MROH7: variants seen among roughly 807,000 people sequenced by gnomAD.
The protein encoded by MROH7 is maestro heat-like repeat-containing protein family member 7.
In MROH7, 113 loss-of-function variants were observed where a neutral mutation model predicts 129.2. That is an observed-to-expected ratio of 0.87 (90% CI 0.75 to 1.02). The LOEUF (loss-of-function observed/expected upper bound fraction) is 1.02. MROH7 is among the 50% of genes least tolerant of loss of function. The pLI, the probability that MROH7 is intolerant of heterozygous loss-of-function variation, is 0.00. For synonymous variants in MROH7, 655 were observed against 667.9 expected (o/e 0.98, Z 0.30); for missense variants, 1,601 against 1,671.3 (o/e 0.96, Z 0.73).
At chr1:54,658,088 A>G (rs971356064) in intron 3 of MROH7, among the ~76,000 whole-genome samples, 4 of 152,172 alleles carry the variant, frequency 2.6e-5, no homozygotes, top group South Asian at 2.1e-4. Context: ...TGCATTAAAC[A>G]ATAGCTTCCC....
chr1:54,684,405 G>T (rs572482283), intron 14 of MROH7, among the ~76,000 whole-genome samples: 14 of 152,290 alleles, frequency 9.2e-5, no homozygotes, highest in African/African-American at 3.4e-4. Flanking sequence ...TGTGCCTAAG[G>T]CACCAGCACT....
rs199552728 is a variant in MROH7, at chr1:54,673,064, G to T, written c.1600-27G>T. 1.5e-5 allele frequency: 24 copies of T among 1,583,872 alleles called. No individual in the cohort carries two copies. In the Admixed American group the frequency reaches 3.2e-4, roughly 21 times the overall value. On this transcript the variant is annotated intron_variant, in intron 7 of 23. Transcript: ENST00000421030. ...TGGTGTCCGCTCCAGAGGTGCCTTA[G>T]TGGCTTGGTCCTCCTCCCATCCACA...
intron 23 of MROH7, 26 bp from the exon 24 acceptor site, chr1:54,709,920 A>C (rs532729727): frequency 6.2e-7 from 1 of 1,602,426 alleles, no homozygotes; most frequent in South Asian, 1.1e-5. Flanking sequence ...TCTTAATAGG[A>C]GGCTTCTCCC....
At chr1:54,679,554 C>T (rs770047426) in intron 12 of MROH7, 115 bp downstream of exon 12, 15 of 1,185,110 alleles carry the variant, frequency 1.3e-5, no homozygotes, top group Non-Finnish European at 1.8e-5. Context: ...ACCTGAACCC[C>T]CTAAGCCATG....
chr1:54,708,967 G>GGGGGGGGCCC, intron 22 of MROH7, 47 bp from the exon 23 acceptor site: 2 of 1,329,298 alleles, frequency 1.5e-6, no homozygotes, highest in Non-Finnish European at 2.0e-6. Flanking sequence ...TTGGGGTGGG[G>GGGGGGGGCCC]TCGACGTCGG....
In MROH7 at chr1:54,652,900, T is replaced by G; in HGVS notation, c.-27T>G. On this transcript the variant is annotated 5_prime_UTR_variant, in exon 3 of 24. Transcript: ENST00000421030. ...TTGGCTGTTGGAGAGAAGCGGGCAC[T>G]GGCATTGAGAGACCTCCAGACTGGA... 6.5e-7 allele frequency: 1 copy of G among 1,533,096 alleles called. No individual in the cohort carries two copies. The highest frequency in any genetic ancestry group is 8.7e-7 in the Non-Finnish European group (1 of 1,143,370). 95.0% of individuals were successfully genotyped at this position (1,533,096 alleles called of 1,614,324 possible).
chr1:54,652,431 C>T (rs1181742569), intron 2 of MROH7, among the ~76,000 whole-genome samples: 2 of 151,918 alleles, frequency 1.3e-5, no homozygotes, highest in Non-Finnish European at 2.9e-5. Flanking sequence ...GTGTAACTGG[C>T]ACTGGGCTAG....
intron 20 of MROH7, 23 bp from the exon 21 acceptor site, chr1:54,702,600 A>G: frequency 6.4e-7 from 1 of 1,564,766 alleles, no homozygotes; most frequent in South Asian, 1.2e-5. Context: ...CAGTTCTGAT[A>G]TTTTCTTCCT....
chr1:54,709,001 G>T lies in MROH7; in HGVS notation c.3668-13G>T. 6.2e-7 allele frequency: 1 copy of T among 1,614,058 alleles called. No homozygotes were observed. The highest frequency in any genetic ancestry group is 1.6e-4 in the Middle Eastern group (1 of 6,062). On this transcript the variant is annotated splice_polypyrimidine_tract_variant and intron_variant, in intron 22 of 23. Coordinates refer to ENST00000421030, the MANE Select transcript of MROH7 (RefSeq NM_001039464.4). ...GGAAGACAAATGCCCTCACTTCTTG[G>T]ATTACGCTCAAGGGTCCCTGGTCCC...
chr1:54,650,217 AT>A lies in MROH7; in HGVS notation c.-109-1731del, dbSNP rs567906079. ...GCTTTATGTGTTCCCTATCTTAGAG[AT>A]GGGGAGGACAAGGGCCAGAGGGGAA... is the stretch of plus-strand genomic sequence containing the variant. On this transcript the variant is annotated intron_variant, in intron 1 of 23. Coordinates refer to ENST00000421030, the MANE Select transcript of MROH7 (RefSeq NM_001039464.4). Among the ~76,000 whole-genome samples, 3 of 152,296 alleles carry A rather than the reference AT, an allele frequency of 2.0e-5. No individual in the cohort carries two copies. In the South Asian group the frequency reaches 6.2e-4, roughly 32 times the overall value.
chr1:54,644,839 G>A (rs1171080953), intron 1 of MROH7, among the ~76,000 whole-genome samples: 1 of 141,322 alleles, frequency 7.1e-6, no homozygotes, highest in Non-Finnish European at 1.5e-5. Flanking sequence ...GTCGCACTCT[G>A]TCATCCAGGC....
At chr1:54,673,340 C>T (rs188370542) in intron 8 of MROH7, among the ~76,000 whole-genome samples, 154 bp downstream of exon 8, 1 of 152,058 alleles carries the variant, frequency 6.6e-6, no homozygotes, top group East Asian at 1.9e-4. Context: ...TCTCACAGGC[C>T]CTGTCCCAGA....
chr1:54,668,843 C>G lies in MROH7; in HGVS notation c.1306-11C>G. On this transcript the variant is annotated splice_polypyrimidine_tract_variant and intron_variant, in intron 4 of 23. Transcript: ENST00000421030. ...TCTCACTCTGAGGTTTTGCCCTCTG[C>G]TGTCCCCTAGGTTGAGAATGTCACC... is the stretch of plus-strand genomic sequence containing the variant. 1.2e-6 allele frequency: 2 copies of G among 1,612,104 alleles called. No homozygotes were observed. The highest frequency in any genetic ancestry group is 2.2e-5 in the South Asian group (2 of 91,000).
intron 15 of MROH7, among the ~76,000 whole-genome samples, chr1:54,690,642 A>T (rs1241602436): frequency 6.6e-6 from 1 of 151,960 alleles, no homozygotes; most frequent in Non-Finnish European, 1.5e-5. Context: ...ACAGGATTTC[A>T]CCATGTTAGC....
Position 54,674,197 on chromosome 1 carries a change from G to T in MROH7, c.1936+46G>T, listed in dbSNP as rs755650890. 2.5e-6 allele frequency: 4 copies of T among 1,587,934 alleles called. No homozygotes were observed. The East Asian group carries it at 9.0e-5, about 36-fold the overall frequency. On this transcript the variant is annotated intron_variant, in intron 10 of 23. Coordinates refer to ENST00000421030, the MANE Select transcript of MROH7 (RefSeq NM_001039464.4). ...TCTGAAGGAAGTCTTCTGAGTTGTT[G>T]CTCAGTCTGGATTCAATAAAGAATC...
intron 17 of MROH7, chr1:54,697,657 C>T (rs1645344924): frequency 4.3e-6 from 3 of 703,174 alleles, no homozygotes; most frequent in Non-Finnish European, 5.2e-6. Flanking sequence ...GCACAGCAAC[C>T]CTGCGAAGAA....
chr1:54,679,231 AGT>A (rs1291361252), intron 11 of MROH7, 30 bp from the exon 12 acceptor site: 2 of 1,612,180 alleles, frequency 1.2e-6, no homozygotes, highest in Non-Finnish European at 1.7e-6. Flanking sequence ...GCTACCCATC[AGT>A]GTGTCATGAT....
intron 3 of MROH7, among the ~76,000 whole-genome samples, chr1:54,655,496 G>T (rs376663358): frequency 6.6e-6 from 1 of 151,682 alleles, no homozygotes. Context: ...TCAGCCTCCC[G>T]AGTAGCTAGG....
intron 3 of MROH7, among the ~76,000 whole-genome samples, chr1:54,655,393 A>G (rs1644628108): frequency 6.7e-6 from 1 of 149,248 alleles, no homozygotes; most frequent in Non-Finnish European, 1.5e-5. Context: ...TTTTTGAGAC[A>G]AAAGTCTCAC....
Sources: allele counts gnomAD v4.1 joint callset (sites outside exome capture counted in the v4.1 genomes callset), GRCh38; gene constraint gnomAD v4.1.1; transcripts MANE v1.5; gene names NCBI Gene and HGNC (gene_info 2026-07-23, HGNC 2026-07-21).